LRRC73: variants seen among roughly 807,000 people sequenced by gnomAD.
The protein encoded by LRRC73 is leucine-rich repeat-containing protein 73.
Under a neutral mutation model 26.4 loss-of-function variants are expected in LRRC73, and 16 were observed. That is an observed-to-expected ratio of 0.61 (90% confidence interval 0.41 to 0.92). The LOEUF (loss-of-function observed/expected upper bound fraction) is 0.92, where lower values mean the gene tolerates loss of function less well. Among genes scored for constraint, LRRC73 ranks in the 40% least tolerant of loss-of-function variants. The pLI is 0.00. For missense variants in LRRC73, 344 were observed against 416.3 expected, an observed-to-expected ratio of 0.83 and a Z score of 1.51; for synonymous variants, 210 against 179.8, an observed-to-expected ratio of 1.17 and a Z score of -1.34.
exon 1 of LRRC73, chr6:43,509,723 G>C (rs540151303): frequency 6.3e-7 from 1 of 1,591,658 alleles, no homozygotes. Flanking sequence ...GGCCGCGGCA[G>C]ATGTCCCGCA....
intron 1 of LRRC73, 135 bp from the exon 2 acceptor site, chr6:43,509,055 G>C: frequency 6.0e-6 from 5 of 827,340 alleles, no homozygotes; most frequent in Non-Finnish European, 6.9e-6. Flanking sequence ...AAAGGAGAAG[G>C]AAAGTTCTAG....
exon 1 of LRRC73, chr6:43,510,102 G>T (rs1357767704): frequency 4.6e-6 from 1 of 217,310 alleles, no homozygotes; most frequent in Non-Finnish European, 9.0e-6. Context: ...GCGGGTGCGC[G>T]TTCCGGGGGT....
exon 3 of LRRC73, chr6:43,508,336 G>A (rs774186834): frequency 6.2e-7 from 1 of 1,613,532 alleles, no homozygotes; most frequent in Non-Finnish European, 8.5e-7. Flanking sequence ...GCGGACCTGG[G>A]AGCTGTGGGC....
chr6:43,509,943 C>A (rs1051148696), exon 1 of LRRC73: 5 of 503,486 alleles, frequency 9.9e-6, no homozygotes, highest in South Asian at 1.7e-4. Flanking sequence ...GCTGCGGCTG[C>A]GGCGGAGGCT....
exon 1 of LRRC73, chr6:43,509,935 T>C (rs943662767): frequency 1.9e-5 from 10 of 539,992 alleles, no homozygotes; most frequent in African/African-American, 6.0e-5. Flanking sequence ...TGGCGGAGGC[T>C]GCGGCTGCGG....
At position 43,509,538 on chromosome 6, in the gene LRRC73, G is replaced by A. The variant is rs760982657; in HGVS notation, c.248C>T (p.Thr83Ile). The change falls in exon 1 of 6, where the codon ACC becomes ATC. Residue 83 changes from threonine (T) to isoleucine (I), a missense_variant. By Grantham distance (89) the Thr-to-Ile change is moderately conservative. Transcript: ENST00000372441. Reference sequence around the variant, plus strand: ...CAAGAGGGACTGGATGGAGCGGTTGGTCCGCAGAGCCTCAGCCAGCTGCTT... The same window carrying A: ...CAAGAGGGACTGGATGGAGCGGTTGATCCGCAGAGCCTCAGCCAGCTGCTT... 16 of 1,609,304 alleles carry A rather than the reference G, an allele frequency of 9.9e-6. No homozygotes were observed. The South Asian group carries it at 1.8e-4, about 18-fold the overall frequency.
Position 43,508,421 on chromosome 6 carries a change from C to T in LRRC73, c.434-1G>A. ...GCACTCAGCGTTAGCTCCTTCAAGC[C>T]TGGGCAGCATCATAGCAAGAAACCA... is the stretch of plus-strand genomic sequence containing the variant. On this transcript the variant is annotated splice_acceptor_variant, in intron 2 of 5. Transcript: ENST00000372441. LOFTEE classifies it high-confidence loss of function. 1 of 1,613,610 alleles carries T rather than the reference C, an allele frequency of 6.2e-7. No individual in the cohort carries two copies.
Position 43,507,697 on chromosome 6 carries a change from T to C in LRRC73, c.658-19A>G, listed in dbSNP as rs777407135. 3.7e-6 allele frequency: 6 copies of C among 1,611,894 alleles called. No homozygotes were observed. The Admixed American group carries it at 8.3e-5, about 22-fold the overall frequency. ...GCAGGGTCTGAAGTGGGGAAGAATA[T>C]GGAAAAGGATGAACACAGTTAAGGC... On this transcript the variant is annotated intron_variant, in intron 4 of 5. Transcript: ENST00000372441.
At chr6:43,508,220 C>A in intron 3 of LRRC73, 78 bp downstream of exon 3, 1 of 1,525,540 alleles carries the variant, frequency 6.6e-7, no homozygotes, top group African/African-American at 1.4e-5. Context: ...GTACGGGTTA[C>A]CATGTCAACT....
intron 4 of LRRC73, 23 bp from the exon 5 acceptor site, chr6:43,507,701 A>T: frequency 6.2e-7 from 1 of 1,611,758 alleles, no homozygotes; most frequent in Non-Finnish European, 8.5e-7. Context: ...AGAATATGGA[A>T]AAGGATGAAC....
At chr6:43,507,224 G>A (rs745567689) in exon 6 of LRRC73, 1 of 1,613,448 alleles carries the variant, frequency 6.2e-7, no homozygotes, top group South Asian at 1.1e-5. Flanking sequence ...GGTGTGCAGA[G>A]GCCCAGTGGA....
rs1582167576 is a variant in LRRC73 at position 43,508,746 on chromosome 6, AG to A, written c.433+13del. The A allele has an allele frequency of 3.8e-6, 6 of 1,593,580 alleles. No homozygotes were observed. Among genetic ancestry groups the A allele is most frequent in the East Asian group, 4.5e-5 (2 of 44,540 alleles). ...TGCCACACTAGCCCAAGCCCTCAAC[AG>A]GGTCCTGCTCACCAGATTTGGCCCC... On this transcript the variant is annotated intron_variant, in intron 2 of 5. Transcript: ENST00000372441.
chr6:43,509,062 C>A, intron 1 of LRRC73, 142 bp from the exon 2 acceptor site: 1 of 840,938 alleles, frequency 1.2e-6, no homozygotes, highest in Non-Finnish European at 1.7e-6. Flanking sequence ...AAGGAAAGTT[C>A]TAGATTCTCA....
At position 43,507,497 on chromosome 6, in the gene LRRC73, G is replaced by A. The variant is rs1291004552; in HGVS notation, c.839C>T (p.Ala280Val). 5 of 1,613,036 alleles carry A rather than the reference G, an allele frequency of 3.1e-6. No individual in the cohort carries two copies. The South Asian group carries it at 5.5e-5, about 18-fold the overall frequency. Residue 280 changes from alanine (A) to valine (V), a missense_variant, in exon 5 of 6, where the codon GCT becomes GTT. Ala to Val is a moderately conservative substitution (Grantham distance 64). Transcript: ENST00000372441. ...GGAGCTGCTGCCTCTCTGGTGGGCA[G>A]CAGGCTCCCGCCCTCTCTCCCATTC...
Position 43,508,939 on chromosome 6 carries a change from G to A in LRRC73, c.273-19C>T, listed in dbSNP as rs760931628. On this transcript the variant is annotated intron_variant, in intron 1 of 5. Transcript: ENST00000372441. ...ATGCAGGCTGGAGGAGAGTGAGAGAGCAGGGTTACTGCAGTCCTCCGCACT... is the reference window on the plus strand; with the variant it reads ...ATGCAGGCTGGAGGAGAGTGAGAGAACAGGGTTACTGCAGTCCTCCGCACT... 1.3e-6 allele frequency: 2 copies of A among 1,575,890 alleles called. No homozygotes were observed. The highest frequency in any genetic ancestry group is 1.7e-6 in the Non-Finnish European group (2 of 1,159,186).
exon 6 of LRRC73, chr6:43,507,043 C>A: frequency 1.6e-6 from 1 of 606,904 alleles, no homozygotes; most frequent in Non-Finnish European, 2.9e-6. Flanking sequence ...GCCGTGGGTT[C>A]AAGTGCCCCC....
At chr6:43,509,615 G>T in exon 1 of LRRC73, 1 of 1,605,972 alleles carries the variant, frequency 6.2e-7, no homozygotes, top group Non-Finnish European at 8.5e-7. Flanking sequence ...GCTGCGCCAG[G>T]GACGTGGCCC....
exon 1 of LRRC73, chr6:43,509,610 G>T: frequency 6.2e-7 from 1 of 1,606,378 alleles, no homozygotes; most frequent in South Asian, 1.1e-5. Flanking sequence ...GTTGAGCTGC[G>T]CCAGGGACGT....
chr6:43,507,568 C>G, exon 5 of LRRC73: 2 of 1,613,876 alleles, frequency 1.2e-6, no homozygotes, highest in Non-Finnish European at 8.5e-7. Flanking sequence ...CCTCCTCTCC[C>G]TCAGAGAGGA....
Sources: allele counts gnomAD v4.1 joint callset, GRCh38; gene constraint gnomAD v4.1.1; transcripts MANE v1.5; gene names NCBI Gene and HGNC (gene_info 2026-07-23, HGNC 2026-07-21).